The following PTGER1 variants were observed in gnomAD, a reference collection of about 807,000 sequenced individuals.
The protein encoded by PTGER1 is prostaglandin E receptor 1.
Under a neutral mutation model 18.5 loss-of-function variants are expected in PTGER1, and 15 were observed. That is an observed-to-expected ratio of 0.81 (90% CI 0.54 to 1.25). The LOEUF (loss-of-function observed/expected upper bound fraction) is 1.25, where lower values mean the gene tolerates loss of function less well. Ranked by LOEUF, PTGER1 falls within the 50% of genes most tolerant of loss-of-function variation. The pLI, the probability that PTGER1 is intolerant of heterozygous loss-of-function variation, is 0.00. For missense variants in PTGER1, 567 were observed against 603.4 expected, an observed-to-expected ratio of 0.94 and a Z score of 0.63; for synonymous variants, 339 against 308.4, an observed-to-expected ratio of 1.10 and a Z score of -1.04.
At position 14,473,191 on chromosome 19, in the gene PTGER1, TAGG is replaced by T. The variant is rs1160835627; in HGVS notation, c.942+185_942+187del. Among the ~76,000 whole-genome samples, 1 of 150,766 alleles carries T rather than the reference TAGG, an allele frequency of 6.6e-6. No homozygotes were observed. Among genetic ancestry groups the T allele is most frequent in the Non-Finnish European group, 1.5e-5 (1 of 67,642 alleles). Reference sequence around the variant, plus strand: ...CCAAAAAGGAAGAGGAGAGGGGGGCTAGGAGGAAGGATGGGAGGTCAGATGGAG... The same window carrying T: ...CCAAAAAGGAAGAGGAGAGGGGGGCTAGGAAGGATGGGAGGTCAGATGGAG... On this transcript the variant is annotated intron_variant, in intron 2 of 2. Coordinates refer to ENST00000292513, the MANE Select transcript of PTGER1 (RefSeq NM_000955.3). This position sits in a 1 kb window ranked among gnomAD's most constrained non-coding sequence, Gnocchi z 7.1.
Position 14,474,083 on chromosome 19 carries a change from G to A in PTGER1, c.238C>T (p.Leu80=). The A allele has an allele frequency of 1.3e-6, 2 of 1,485,952 alleles. No homozygotes were observed. The highest frequency in any genetic ancestry group is 1.8e-6 in the Non-Finnish European group (2 of 1,123,582). 92.0% of individuals were successfully genotyped at this position (1,485,952 alleles called of 1,614,324 possible). The change falls in exon 2 of 3, where the codon CTG becomes TTG. Residue 80 remains leucine, a synonymous_variant. Coordinates refer to ENST00000292513, the MANE Select transcript of PTGER1 (RefSeq NM_000955.3). The surrounding 1 kb of genome is among the most constrained non-coding windows in gnomAD (Gnocchi z 5.4). The stretch of plus-strand genomic sequence containing the variant: ...TGGCCCGCCAGGTCGGTGGCCAGCA[G>A]GCTGGCCACGAACAGCAGGAAGGTG... The part of the protein sequence containing the change: ...AATFLLFVAS[L]LATDLAGHVI...
At position 14,473,759 on chromosome 19, in the gene PTGER1, A is replaced by G; in HGVS notation, c.562T>C (p.Cys188Arg). 6.9e-7 allele frequency: 1 copy of G among 1,457,586 alleles called. No homozygotes were observed. Among genetic ancestry groups the G allele is most frequent in the South Asian group, 1.3e-5 (1 of 76,314 alleles). 90.3% of individuals were successfully genotyped at this position (1,457,586 alleles called of 1,614,324 possible). ...CCCGGGGGACCCAGGCCGATGAAGC[A>G]CCACGTGCCCGGGTACTGCAGCTCA... ...RYELQYPGTW[C>R]FIGLGPPGGW... The change falls in exon 2 of 3, where the codon TGC becomes CGC. Residue 188 changes from cysteine (C) to arginine (R), a missense_variant. Cys to Arg is a radical substitution (Grantham distance 180, BLOSUM62 -3). Transcript: ENST00000292513. The surrounding 1 kb of genome is among the most constrained non-coding windows in gnomAD (Gnocchi z 7.1).
At position 14,472,757 on chromosome 19, in the gene PTGER1, G is replaced by T. The variant is rs775970726; in HGVS notation, c.1012C>A (p.Arg338Ser). ...AGGATCTGGTTCCAGGAGGCAAGGCGCACGGCCAGGAACAGTGGCCGCTGC... is the reference window on the plus strand; with the variant it reads ...AGGATCTGGTTCCAGGAGGCAAGGCTCACGGCCAGGAACAGTGGCCGCTGC... The part of the protein sequence containing the change: ...SLQRPLFLAV[R>S]LASWNQILDP... The change falls in exon 3 of 3, where the codon CGC becomes AGC. Residue 338 changes from arginine (R) to serine (S), a missense_variant. Coordinates refer to ENST00000292513, the MANE Select transcript of PTGER1 (RefSeq NM_000955.3). 6 of 1,595,828 alleles carry T rather than the reference G, an allele frequency of 3.8e-6. No homozygotes were observed. Among genetic ancestry groups the T allele is most frequent in the East Asian group, 2.3e-5 (1 of 43,786 alleles).
Position 14,472,833 on chromosome 19 carries a change from G to T in PTGER1, c.943-7C>A. The T allele has an allele frequency of 6.5e-7, 1 of 1,546,842 alleles. No individual in the cohort carries two copies. The highest frequency in any genetic ancestry group is 1.2e-5 in the South Asian group (1 of 84,204). On this transcript the variant is annotated splice_polypyrimidine_tract_variant and splice_region_variant and intron_variant, in intron 2 of 2. Coordinates refer to ENST00000292513, the MANE Select transcript of PTGER1 (RefSeq NM_000955.3). ...CGGCCAGCGCCACCAACACCTGCGG[G>T]GGAAGCCGGTGTGAGCTATAGAGCA...
chr19:14,474,301 A>G lies in PTGER1; in HGVS notation c.20T>C (p.Leu7Pro). 1 of 1,529,204 alleles carries G rather than the reference A, an allele frequency of 6.5e-7. No individual in the cohort carries two copies. Among genetic ancestry groups the G allele is most frequent in the East Asian group, 2.5e-5 (1 of 40,158 alleles). The allele number at this position is 1,529,204 out of a possible 1,614,324, so 94.7% of individuals were successfully genotyped here. A position where few individuals can be genotyped will look rare whatever the true frequency, so the allele number is the denominator to read the frequency against. MSPCGP[L>P]NLSLAGEATT... is the part of the protein sequence containing the mutation. ...CGCCTCGCCCGCCAGGCTCAGGTTG[A>G]GGGGCCCGCAAGGGCTCATGTCAGG... The change falls in exon 2 of 3, where the codon CTC (leucine) becomes CCC (proline). Residue 7 changes from leucine to proline, a missense_variant. By Grantham distance (98) the Leu-to-Pro change is moderately conservative. Coordinates refer to ENST00000292513, the MANE Select transcript of PTGER1 (RefSeq NM_000955.3). The surrounding 1 kb of genome is among the most constrained non-coding windows in gnomAD (Gnocchi z 5.4).
Position 14,474,077 on chromosome 19 carries a change from C to T in PTGER1, c.244G>A (p.Ala82Thr). ...TFLLFVASLL[A>T]TDLAGHVIPG... is the part of the protein sequence containing the mutation. Reference sequence around the variant, plus strand: ...ATCACGTGGCCCGCCAGGTCGGTGGCCAGCAGGCTGGCCACGAACAGCAGG... The same window carrying T: ...ATCACGTGGCCCGCCAGGTCGGTGGTCAGCAGGCTGGCCACGAACAGCAGG... Residue 82 changes from alanine (A) to threonine (T), a missense_variant, in exon 2 of 3, where the codon GCC becomes ACC. Ala to Thr is a moderately conservative substitution (Grantham distance 58). Coordinates refer to ENST00000292513, the MANE Select transcript of PTGER1 (RefSeq NM_000955.3). The surrounding 1 kb of genome is among the most constrained non-coding windows in gnomAD (Gnocchi z 5.4). 1 of 1,465,484 alleles carries T rather than the reference C, an allele frequency of 6.8e-7. No individual in the cohort carries two copies. The allele number at this position is 1,465,484 out of a possible 1,614,324, so 90.8% of individuals were successfully genotyped here. A position where few individuals can be genotyped will look rare whatever the true frequency, so the allele number is the denominator to read the frequency against.
At position 14,473,602 on chromosome 19, in the gene PTGER1, C is replaced by G. The variant is rs1453931221; in HGVS notation, c.719G>C (p.Arg240Pro). ...GTCGGGGCCTGAGGCCGGGGGAGGC[C>G]GTCGGGAGCGGCGTCGCCAGCGGGC... is the stretch of plus-strand genomic sequence containing the variant. ...LRARWRRRSR[R>P]PPPASGPDSR... is the part of the protein sequence containing the mutation. Residue 240 changes from arginine to proline, a missense_variant, in exon 2 of 3, where the codon CGG (arginine) becomes CCG (proline). Physicochemically the swap from Arg to Pro is moderately radical, Grantham distance 103. Coordinates refer to ENST00000292513, the MANE Select transcript of PTGER1 (RefSeq NM_000955.3). The surrounding 1 kb of genome is among the most constrained non-coding windows in gnomAD (Gnocchi z 7.1). 10 of 1,463,878 alleles carry G rather than the reference C, an allele frequency of 6.8e-6. No individual in the cohort carries two copies. Among genetic ancestry groups the G allele is most frequent in the Admixed American group, 5.2e-5 (2 of 38,564 alleles). 90.7% of individuals were successfully genotyped at this position (1,463,878 alleles called of 1,614,324 possible).
Position 14,474,011 on chromosome 19 carries a change from C to T in PTGER1, c.310G>A (p.Ala104Thr). ...AAGTGGCAGGCCCCGCCGGCCGGAG[C>T]GCGCCCCGCAGTGTACAGACGCAGC... ...LVLRLYTAGR[A>T]PAGGACHFLG... The change falls in exon 2 of 3, where the codon GCT becomes ACT. Residue 104 changes from alanine (A) to threonine (T), a missense_variant. Ala to Thr is a moderately conservative substitution (Grantham distance 58). Coordinates refer to ENST00000292513, the MANE Select transcript of PTGER1 (RefSeq NM_000955.3). The surrounding 1 kb of genome is among the most constrained non-coding windows in gnomAD (Gnocchi z 5.4). 1 of 1,500,552 alleles carries T rather than the reference C, an allele frequency of 6.7e-7. No homozygotes were observed. 93.0% of individuals were successfully genotyped at this position (1,500,552 alleles called of 1,614,324 possible).
At position 14,473,424 on chromosome 19, in the gene PTGER1, A is replaced by C; in HGVS notation, c.897T>G (p.Leu299=). The change falls in exon 2 of 3, where the codon CTT becomes CTG. Residue 299 remains leucine, a synonymous_variant. Coordinates refer to ENST00000292513, the MANE Select transcript of PTGER1 (RefSeq NM_000955.3). The surrounding 1 kb of genome is among the most constrained non-coding windows in gnomAD (Gnocchi z 7.1). The stretch of plus-strand genomic sequence containing the variant: ...TGCACGACACCACCATGATACCGAC[A>C]AGCTGGCCCACCATCTCCACGTCGT... ...RAHDVEMVGQ[L]VGIMVVSCIC... 6.3e-7 allele frequency: 1 copy of C among 1,599,388 alleles called. No individual in the cohort carries two copies. Among genetic ancestry groups the C allele is most frequent in the Non-Finnish European group, 8.5e-7 (1 of 1,175,454 alleles).
chr19:14,472,975 C>T, intron 2 of PTGER1, 149 bp from the exon 3 acceptor site: 2 of 765,190 alleles, frequency 2.6e-6, no homozygotes, highest in Non-Finnish European at 3.9e-6. Context: ...GAAACGGATG[C>T]GGAAAAAAAA....
In PTGER1 at chr19:14,473,568, A is replaced by T. The variant is rs2071587175; in HGVS notation, c.753T>A (p.Arg251=). The T allele has an allele frequency of 6.6e-7, 1 of 1,508,240 alleles. No individual in the cohort carries two copies. Among genetic ancestry groups the T allele is most frequent in the East Asian group, 2.6e-5 (1 of 38,272 alleles). The allele number at this position is 1,508,240 out of a possible 1,614,324, so 93.4% of individuals were successfully genotyped here. ...PPPASGPDSR[R]RWGAHGPRSA... ...AGCGGGGTCCGTGCGCCCCCCAGCGACGCCGGCTGTCGGGGCCTGAGGCCG... is the reference window on the plus strand; with the variant it reads ...AGCGGGGTCCGTGCGCCCCCCAGCGTCGCCGGCTGTCGGGGCCTGAGGCCG... Residue 251 remains arginine, a synonymous_variant, in exon 2 of 3, where the codon CGT becomes CGA. Transcript: ENST00000292513. This position sits in a 1 kb window ranked among gnomAD's most constrained non-coding sequence, Gnocchi z 7.1.
At position 14,474,470 on chromosome 19, in the gene PTGER1, T is replaced by G; in HGVS notation, c.-17-133A>C. The G allele has an allele frequency of 9.9e-7, 1 of 1,014,642 alleles. No homozygotes were observed. Among genetic ancestry groups the G allele is most frequent in the Non-Finnish European group, 1.3e-6 (1 of 748,620 alleles). The allele number at this position is 1,014,642 out of a possible 1,614,324, so 62.9% of individuals were successfully genotyped here. A position where few individuals can be genotyped will look rare whatever the true frequency, so the allele number is the denominator to read the frequency against. Reference sequence around the variant, plus strand: ...AGGCGGCCCCTCTGCCCATGGCAGTTGCCATGGGCAACTCCAAATGACCTG... The same window carrying G: ...AGGCGGCCCCTCTGCCCATGGCAGTGGCCATGGGCAACTCCAAATGACCTG... On this transcript the variant is annotated intron_variant, in intron 1 of 2. Transcript: ENST00000292513. The surrounding 1 kb of genome is among the most constrained non-coding windows in gnomAD (Gnocchi z 5.4).
At position 14,474,065 on chromosome 19, in the gene PTGER1, C is replaced by T. The variant is rs1418343555; in HGVS notation, c.256G>A (p.Ala86Thr). ...FVASLLATDL[A>T]GHVIPGALVL... Reference sequence around the variant, plus strand: ...AGCGCGCCCGGGATCACGTGGCCCGCCAGGTCGGTGGCCAGCAGGCTGGCC... The same window carrying T: ...AGCGCGCCCGGGATCACGTGGCCCGTCAGGTCGGTGGCCAGCAGGCTGGCC... The change falls in exon 2 of 3, where the codon GCG (alanine) becomes ACG (threonine). Residue 86 changes from alanine (A) to threonine (T), a missense_variant. Transcript: ENST00000292513. The surrounding 1 kb of genome is among the most constrained non-coding windows in gnomAD (Gnocchi z 5.4). The T allele has an allele frequency of 2.0e-6, 3 of 1,494,996 alleles. No homozygotes were observed. Among genetic ancestry groups the T allele is most frequent in the Non-Finnish European group, 2.7e-6 (3 of 1,127,696 alleles). 92.6% of individuals were successfully genotyped at this position (1,494,996 alleles called of 1,614,324 possible).
intron 2 of PTGER1, 118 bp from the exon 3 acceptor site, chr19:14,472,944 G>T: frequency 9.8e-7 from 1 of 1,016,624 alleles, no homozygotes; most frequent in Non-Finnish European, 1.4e-6. Flanking sequence ...TCGCAGGGAG[G>T]GTAAATGGGG....
In PTGER1 at chr19:14,473,430, G is replaced by C; in HGVS notation, c.891C>G (p.Gly297=). The C allele has an allele frequency of 6.3e-7, 1 of 1,598,992 alleles. No homozygotes were observed. Among genetic ancestry groups the C allele is most frequent in the Non-Finnish European group, 8.5e-7 (1 of 1,175,324 alleles). Residue 297 remains glycine (G), a synonymous_variant, in exon 2 of 3, where the codon GGC becomes GGG. Transcript: ENST00000292513. The surrounding 1 kb of genome is among the most constrained non-coding windows in gnomAD (Gnocchi z 7.1). The part of the protein sequence containing the change: ...RARAHDVEMV[G]QLVGIMVVSC... Reference sequence around the variant, plus strand: ...ACACCACCATGATACCGACAAGCTGGCCCACCATCTCCACGTCGTGGGCGC... The same window carrying C: ...ACACCACCATGATACCGACAAGCTGCCCCACCATCTCCACGTCGTGGGCGC...
Position 14,473,945 on chromosome 19 carries a change from G to C in PTGER1, c.376C>G (p.Leu126Val). The change falls in exon 2 of 3, where the codon CTG becomes GTG. Residue 126 changes from leucine to valine, a missense_variant. Leu to Val is a conservative substitution (Grantham distance 32). Transcript: ENST00000292513. This position sits in a 1 kb window ranked among gnomAD's most constrained non-coding sequence, Gnocchi z 7.1. Reference sequence around the variant, plus strand: ...TCCACGGCCATGCCACAGCCCAGCAGCAGCGGGCACAGGCCGAAGAAGACC... The same window carrying C: ...TCCACGGCCATGCCACAGCCCAGCACCAGCGGGCACAGGCCGAAGAAGACC... ...CMVFFGLCPLLLGCGMAVERC... is the reference protein window; with the variant it reads ...CMVFFGLCPLVLGCGMAVERC... 1 of 1,474,836 alleles carries C rather than the reference G, an allele frequency of 6.8e-7. No homozygotes were observed. Among genetic ancestry groups the C allele is most frequent in the African/African-American group, 1.5e-5 (1 of 67,930 alleles). The allele number at this position is 1,474,836 out of a possible 1,614,324, so 91.4% of individuals were successfully genotyped here. A position where few individuals can be genotyped will look rare whatever the true frequency, so the allele number is the denominator to read the frequency against.
In PTGER1 at chr19:14,473,369, C is replaced by A. The variant is rs562599765; in HGVS notation, c.942+10G>T. 6 of 1,562,822 alleles carry A rather than the reference C, an allele frequency of 3.8e-6. No homozygotes were observed. The stretch of plus-strand genomic sequence containing the variant: ...AGGAGCGTGGCTCGAGGGGCCGGTG[C>A]GCCCCTCACCAGCATTGGGCTCCAG... On this transcript the variant is annotated intron_variant, in intron 2 of 2. Transcript: ENST00000292513. This position sits in a 1 kb window ranked among gnomAD's most constrained non-coding sequence, Gnocchi z 7.1.
chr19:14,473,584 CCTGAGGCCGGGGG>C lies in PTGER1; in HGVS notation c.724_736del (p.Pro242AlafsTer136), dbSNP rs2071587405. 1 of 1,492,296 alleles carries C rather than the reference CCTGAGGCCGGGGG, an allele frequency of 6.7e-7. No individual in the cohort carries two copies. Among genetic ancestry groups the C allele is most frequent in the Non-Finnish European group, 8.9e-7 (1 of 1,129,534 alleles). 92.4% of individuals were successfully genotyped at this position (1,492,296 alleles called of 1,614,324 possible). A position where few individuals can be genotyped will look rare whatever the true frequency, so the allele number is the denominator to read the frequency against. On this transcript the variant is annotated frameshift_variant, in exon 2 of 3. Coordinates refer to ENST00000292513, the MANE Select transcript of PTGER1 (RefSeq NM_000955.3). LOFTEE classifies it high-confidence loss of function. This position sits in a 1 kb window ranked among gnomAD's most constrained non-coding sequence, Gnocchi z 7.1. Reference sequence around the variant, plus strand: ...CCCCCAGCGACGCCGGCTGTCGGGGCCTGAGGCCGGGGGAGGCCGTCGGGAGCGGCGTCGCCAG... The same window carrying C: ...CCCCCAGCGACGCCGGCTGTCGGGGCAGGCCGTCGGGAGCGGCGTCGCCAG...
rs1342976954 is a variant in PTGER1 at position 14,473,340 on chromosome 19, G to A, written c.942+39C>T. 4 of 1,552,114 alleles carry A rather than the reference G, an allele frequency of 2.6e-6. No individual in the cohort carries two copies. Among genetic ancestry groups the A allele is most frequent in the Non-Finnish European group, 3.5e-6 (4 of 1,153,212 alleles). On this transcript the variant is annotated intron_variant, in intron 2 of 2. Coordinates refer to ENST00000292513, the MANE Select transcript of PTGER1 (RefSeq NM_000955.3). This position sits in a 1 kb window ranked among gnomAD's most constrained non-coding sequence, Gnocchi z 7.1. ...GGGCGGGAGGGTGCCGAGAGGGAGC[G>A]GGAAGGAGCGTGGCTCGAGGGGCCG... is the stretch of plus-strand genomic sequence containing the variant.
Sources: allele counts gnomAD v4.1 joint callset (sites outside exome capture counted in the v4.1 genomes callset), GRCh38; gene constraint gnomAD v4.1.1; non-coding constraint Gnocchi (gnomAD v3.1); transcripts MANE v1.5; gene names NCBI Gene and HGNC (gene_info 2026-07-23, HGNC 2026-07-21).